The following POLR2F variants were observed in gnomAD, a reference collection of about 807,000 sequenced individuals.
POLR2F encodes RNA polymerase II, I and III subunit F.
Under a neutral mutation model 22.7 loss-of-function variants are expected in POLR2F, and 12 were observed. That is an observed-to-expected ratio of 0.53 (90% CI 0.34 to 0.86). The LOEUF (loss-of-function observed/expected upper bound fraction) is 0.86, where lower values mean the gene tolerates loss of function less well. POLR2F is among the 40% of genes least tolerant of loss of function. POLR2F has a pLI of 0.02. For synonymous variants in POLR2F, 57 were observed against 66.0 expected (o/e 0.86, Z 0.66); for missense variants, 126 against 171.5 (o/e 0.73, Z 1.48).
chr22:37,996,016 G>A (rs1326168017), intron 1 of POLR2F, among the ~76,000 whole-genome samples: 2 of 152,022 alleles, frequency 1.3e-5, no homozygotes, highest in African/African-American at 4.8e-5. Context: ...AATAAAGAGC[G>A]AGGAGGAGGC....
intron 3 of POLR2F, among the ~76,000 whole-genome samples, chr22:37,960,558 C>T (rs536225590): frequency 6.6e-6 from 1 of 151,758 alleles, no homozygotes; most frequent in Non-Finnish European, 1.5e-5. Context: ...CCACCGTGCC[C>T]AGCTAGCTTT....
chr22:38,026,400 C>T, exon 3 of POLR2F: 1 of 472,378 alleles, frequency 2.1e-6, no homozygotes, highest in Admixed American at 2.3e-5. Flanking sequence ...TGAGACCAGG[C>T]AGACCATCTC....
Position 38,025,243 on chromosome 22 carries a change from A to T in POLR2F, c.121-626A>T, listed in dbSNP as rs113202366. ...GTGACACATGTGCACTCACTTGCTC[A>T]CACACACACACAGGCACTCATGTAC... On this transcript the variant is annotated intron_variant, in intron 1 of 2. Transcript: ENST00000333418. 3.3e-3 allele frequency among the ~76,000 whole-genome samples: 508 copies of T among 151,782 alleles called. 2 individuals carry two copies. Among genetic ancestry groups the T allele is most frequent in the African/African-American group, 0.012 (477 of 41,390 alleles).
rs144232967 is a variant in POLR2F at position 38,010,678 on chromosome 22, G to A, written c.121-15191G>A. Among the ~76,000 whole-genome samples, 1,337 of 137,776 alleles carry A rather than the reference G, an allele frequency of 9.7e-3. 23 individuals are homozygous for A. Among genetic ancestry groups the A allele is most frequent in the African/African-American group, 0.035 (1,293 of 36,526 alleles). 90.4% of individuals were successfully genotyped at this position (137,776 alleles called of 152,430 possible). ...GTCACCCAGGCTGGAGTGCAGTGGCGCGATCTCGGCTCACTGCAACCTCCG... is the reference window on the plus strand; with the variant it reads ...GTCACCCAGGCTGGAGTGCAGTGGCACGATCTCGGCTCACTGCAACCTCCG... On this transcript the variant is annotated intron_variant, in intron 1 of 2. Coordinates refer to the POLR2F transcript ENST00000333418.
upstream of POLR2F, chr22:37,983,659 C>A: frequency 6.3e-7 from 1 of 1,588,964 alleles, no homozygotes; most frequent in South Asian, 1.1e-5. This position sits in a 1 kb window ranked among gnomAD's most constrained non-coding sequence, Gnocchi z 9.5. Flanking sequence ...GGCTGGCTCG[C>A]AGGCCCGATC....
At chr22:37,972,149 G>A (rs1932077231), downstream of POLR2F, 1 of 478,094 alleles carries the variant, frequency 2.1e-6, no homozygotes, top group Non-Finnish European at 3.5e-6. Context: ...GAGGAGGGGG[G>A]AGGGGAAGGG....
At chr22:37,973,234 C>CCCT (rs1447903921), downstream of POLR2F, 27 of 456,878 alleles carry the variant, frequency 5.9e-5, no homozygotes, top group South Asian at 2.9e-4. Flanking sequence ...AAGGTGCAGC[C>CCCT]CCTCATCTTT....
intron 1 of POLR2F, among the ~76,000 whole-genome samples, chr22:37,990,651 C>T (rs1041501639): frequency 1.1e-4 from 16 of 152,236 alleles, no homozygotes; most frequent in African/African-American, 1.2e-4. Flanking sequence ...GAACCTGGCA[C>T]GGCCAAACAG....
intron 1 of POLR2F, among the ~76,000 whole-genome samples, chr22:38,024,103 C>T (rs1244169901): frequency 6.6e-6 from 1 of 152,106 alleles, no homozygotes; most frequent in African/African-American, 2.4e-5. Flanking sequence ...CTTGGCCTCC[C>T]AAAGTGCTGG....
intron 1 of POLR2F, among the ~76,000 whole-genome samples, chr22:38,011,233 C>G (rs780399710): frequency 6.6e-6 from 1 of 152,010 alleles, no homozygotes; most frequent in African/African-American, 2.4e-5. Flanking sequence ...TCCCGAGTAG[C>G]TGGGACTATA....
Position 37,980,610 on chromosome 22 carries a change from CCAA to C in POLR2F, c.293+13441_293+13443del, listed in dbSNP as rs2145773095. Among the ~76,000 whole-genome samples, 1 of 152,302 alleles carries C rather than the reference CCAA, an allele frequency of 6.6e-6. No individual in the cohort carries two copies. Among genetic ancestry groups the C allele is most frequent in the African/African-American group, 2.4e-5 (1 of 41,578 alleles). ...AGCCCAGCCTGCCCACCATGTAAAC[CCAA>C]TCTCCAGCACCAGTCCCCACTCAAC... On this transcript the variant is annotated intron_variant, in intron 4 of 4. Coordinates refer to the POLR2F transcript ENST00000405557. The surrounding 1 kb of genome is among the most constrained non-coding windows in gnomAD (Gnocchi z 4.1).
intron 3 of POLR2F, among the ~76,000 whole-genome samples, chr22:37,960,362 T>A (rs1931583047): frequency 6.6e-6 from 1 of 152,148 alleles, no homozygotes; most frequent in Admixed American, 6.5e-5. Context: ...TAGCTGGGAC[T>A]ACAGGCGTCC....
chr22:38,020,818 C>A (rs936462730), intron 1 of POLR2F, among the ~76,000 whole-genome samples: 5 of 152,208 alleles, frequency 3.3e-5, no homozygotes, highest in South Asian at 2.1e-4. Context: ...ACCTCCACCC[C>A]CTCTCGTTGC....
chr22:38,012,999 C>G (rs1436053473), intron 1 of POLR2F, among the ~76,000 whole-genome samples: 1 of 152,194 alleles, frequency 6.6e-6, no homozygotes, highest in Non-Finnish European at 1.5e-5. Context: ...AGTTCTCACT[C>G]AAGGAGATGG....
chr22:37,969,721 T>C (rs970201657), downstream of POLR2F, among the ~76,000 whole-genome samples: 3 of 152,212 alleles, frequency 2.0e-5, no homozygotes, highest in African/African-American at 7.2e-5. Flanking sequence ...TTAGTACTGA[T>C]TGATCCATGA....
upstream of POLR2F, among the ~76,000 whole-genome samples, chr22:37,985,512 G>C (rs1270196629): frequency 6.6e-6 from 1 of 152,008 alleles, no homozygotes; most frequent in Non-Finnish European, 1.5e-5. Flanking sequence ...TCCAAAGGTC[G>C]CAGTGCTGTT....
At chr22:37,983,810 G>T (rs1932485233), upstream of POLR2F, 21 of 1,403,558 alleles carry the variant, frequency 1.5e-5, no homozygotes, top group Non-Finnish European at 1.8e-5. The surrounding 1 kb of genome is among the most constrained non-coding windows in gnomAD (Gnocchi z 9.5). Context: ...CGCCGCCGCC[G>T]CCTCGGCCGC....
In POLR2F at chr22:37,974,373, A is replaced by G. The variant is rs1932162339; in HGVS notation, c.293+7203A>G. ...TTTTTTTTTGTTTTTTTTTTTTGAG[A>G]TGGAGTTTCGCTCTTGTTGCCCAGA... On this transcript the variant is annotated intron_variant, in intron 4 of 4. Coordinates refer to the POLR2F transcript ENST00000405557. The surrounding 1 kb of genome is among the most constrained non-coding windows in gnomAD (Gnocchi z 5.4). Among the ~76,000 whole-genome samples, 1 of 142,856 alleles carries G rather than the reference A, an allele frequency of 7.0e-6. No individual in the cohort carries two copies. Among genetic ancestry groups the G allele is most frequent in the Admixed American group, 6.9e-5 (1 of 14,440 alleles). 93.7% of individuals were successfully genotyped at this position (142,856 alleles called of 152,430 possible).
chr22:38,025,761 C>T (rs2085003218), intron 1 of POLR2F: 2 of 1,542,136 alleles, frequency 1.3e-6, no homozygotes, highest in African/African-American at 1.4e-5. Flanking sequence ...CCGAGCTGAA[C>T]ACAGGATCCA....
Sources: allele counts gnomAD v4.1 joint callset (sites outside exome capture counted in the v4.1 genomes callset), GRCh38; gene constraint gnomAD v4.1.1; non-coding constraint Gnocchi (gnomAD v3.1); transcripts MANE v1.5; gene names NCBI Gene and HGNC (gene_info 2026-07-23, HGNC 2026-07-21).